SLC4A4: variants seen among roughly 807,000 people sequenced by gnomAD.
SLC4A4 encodes the protein electrogenic sodium bicarbonate cotransporter 1.
In SLC4A4, 27 loss-of-function variants were observed where a neutral mutation model predicts 111.5. The observed-to-expected ratio is 0.24, with a 90% CI of 0.18 to 0.33. The LOEUF is 0.33. Ranked by LOEUF, SLC4A4 falls within the 10% of genes least tolerant of loss-of-function variation. The pLI, the probability that SLC4A4 is intolerant of heterozygous loss-of-function variation, is 1.00. For missense variants in SLC4A4, 909 were observed against 1,315.5 expected (o/e 0.69, Z 4.78); for synonymous variants, 443 against 463.4 (o/e 0.96, Z 0.57).
At chr4:71,371,630 A>C in intron 6 of SLC4A4, among the ~76,000 whole-genome samples, 1 of 152,128 alleles carries the variant, frequency 6.6e-6, no homozygotes, top group East Asian at 1.9e-4. Flanking sequence ...TAGTTCTTAT[A>C]AACACAGATC....
chr4:71,534,560 A>T (rs1734242563), intron 18 of SLC4A4, among the ~76,000 whole-genome samples, 172 bp downstream of exon 18: 1 of 151,192 alleles, frequency 6.6e-6, no homozygotes, highest in South Asian at 2.1e-4. Flanking sequence ...TCAATATAAC[A>T]CTTTAGGGAG....
chr4:71,176,132 AG>A (rs1745087541), intron 2 of SLC4A4, among the ~76,000 whole-genome samples: 1 of 152,234 alleles, frequency 6.6e-6, no homozygotes, highest in Non-Finnish European at 1.5e-5. Flanking sequence ...GACTGTTAGA[AG>A]GAAAACGAAC....
chr4:71,262,012 A>G (rs1009588164), intron 3 of SLC4A4, among the ~76,000 whole-genome samples: 1 of 152,202 alleles, frequency 6.6e-6, no homozygotes, highest in Non-Finnish European at 1.5e-5. Flanking sequence ...TAAATGGGGT[A>G]TAAATGACTG....
intron 2 of SLC4A4, among the ~76,000 whole-genome samples, chr4:71,160,339 T>TC (rs1409259756): frequency 7.7e-6 from 1 of 130,054 alleles, no homozygotes. Flanking sequence ...ACTCCAGGCT[T>TC]TTTTTTTTTC....
chr4:71,248,294 G>A (rs1373154597), intron 2 of SLC4A4, among the ~76,000 whole-genome samples: 7 of 151,968 alleles, frequency 4.6e-5, no homozygotes, highest in Non-Finnish European at 7.4e-5. Flanking sequence ...CAACATTTAT[G>A]CAGCACCTTT....
At chr4:71,232,977 G>A (rs998864258) in intron 1 of SLC4A4, among the ~76,000 whole-genome samples, 13 of 152,246 alleles carry the variant, frequency 8.5e-5, no homozygotes, top group African/African-American at 2.4e-4. Context: ...ATTAATGTAC[G>A]TGCAGTAGCA....
At chr4:71,387,326 C>A (rs1215551339) in intron 6 of SLC4A4, among the ~76,000 whole-genome samples, 3 of 152,074 alleles carry the variant, frequency 2.0e-5, no homozygotes, top group Non-Finnish European at 4.4e-5. Flanking sequence ...CTTGTCTATG[C>A]TGGTCTTCTA....
chr4:71,085,748 C>T (rs1026851069), intron 1 of SLC4A4, among the ~76,000 whole-genome samples: 5 of 151,998 alleles, frequency 3.3e-5, no homozygotes, highest in African/African-American at 7.3e-5. Context: ...GGGCTCTGTT[C>T]TGTTCCATTG....
At chr4:71,367,156 T>C (rs548896744) in intron 6 of SLC4A4, among the ~76,000 whole-genome samples, 52 of 152,098 alleles carry the variant, frequency 3.4e-4, no homozygotes, top group Non-Finnish European at 6.3e-4. Flanking sequence ...CACTGACAGG[T>C]TGAGGGGAGT....
intron 24 of SLC4A4, among the ~76,000 whole-genome samples, chr4:71,566,434 T>G (rs866278642): frequency 1.3e-5 from 2 of 151,808 alleles, no homozygotes; most frequent in Middle Eastern, 6.8e-3. Context: ...GGAAAAAGTT[T>G]ATGTGCCATT....
intron 2 of SLC4A4, among the ~76,000 whole-genome samples, chr4:71,150,733 G>A (rs755703238): frequency 2.0e-5 from 3 of 152,140 alleles, no homozygotes; most frequent in South Asian, 4.1e-4. Context: ...TTTGTGACCC[G>A]AATTCACCTT....
intron 14 of SLC4A4, among the ~76,000 whole-genome samples, chr4:71,486,431 A>T (rs1224314775): frequency 1.3e-5 from 2 of 151,490 alleles, no homozygotes; most frequent in African/African-American, 4.8e-5. Context: ...CATCTCCATT[A>T]TATTTTTATT....
intron 11 of SLC4A4, 60 bp downstream of exon 11, chr4:71,451,361 TC>T: frequency 9.3e-7 from 1 of 1,079,238 alleles, no homozygotes; most frequent in East Asian, 2.4e-5. Flanking sequence ...AAATTTCCCT[TC>T]ATCTATCAAC....
At chr4:71,556,440 C>T (rs1736479612) in intron 21 of SLC4A4, among the ~76,000 whole-genome samples, 1 of 151,870 alleles carries the variant, frequency 6.6e-6, no homozygotes, top group African/African-American at 2.4e-5. Flanking sequence ...CTCTTAATTA[C>T]CTGGTCTAGA....
chr4:71,215,351 C>G (rs1292334336), intron 1 of SLC4A4, among the ~76,000 whole-genome samples: 4 of 152,210 alleles, frequency 2.6e-5, no homozygotes, highest in Non-Finnish European at 4.4e-5. Flanking sequence ...TTTCAAAACA[C>G]CTTATTGTCA....
At chr4:71,541,318 CA>C (rs1466796476) in intron 18 of SLC4A4, among the ~76,000 whole-genome samples, 1 of 151,970 alleles carries the variant, frequency 6.6e-6, no homozygotes, top group Non-Finnish European at 1.5e-5. Context: ...AAGAGAAAAA[CA>C]GGGACGTTTG....
intron 2 of SLC4A4, among the ~76,000 whole-genome samples, chr4:71,098,623 CT>C (rs1742627210): frequency 1.3e-5 from 2 of 152,020 alleles, no homozygotes; most frequent in Non-Finnish European, 2.9e-5. Flanking sequence ...CAATACTAAC[CT>C]TGAATATGAA....
chr4:71,549,316 C>CAAAA (rs1735791831), intron 20 of SLC4A4, among the ~76,000 whole-genome samples: 1 of 151,820 alleles, frequency 6.6e-6, no homozygotes, highest in East Asian at 2.0e-4. Flanking sequence ...ACAGTGTTAC[C>CAAAA]TTTTAGGCAA....
At chr4:71,193,587 C>T (rs1745852272) in intron 1 of SLC4A4, among the ~76,000 whole-genome samples, 1 of 152,198 alleles carries the variant, frequency 6.6e-6, no homozygotes, top group Non-Finnish European at 1.5e-5. Context: ...TCATCTACCC[C>T]ACATCCTTAC....
Sources: allele counts gnomAD v4.1 joint callset (sites outside exome capture counted in the v4.1 genomes callset), GRCh38; gene constraint gnomAD v4.1.1; transcripts MANE v1.5; gene names NCBI Gene and HGNC (gene_info 2026-07-23, HGNC 2026-07-21).